Variants in TMC1 observed in about 807,000 individuals in gnomAD.
The protein encoded by TMC1 is transmembrane channel like 1, also known as transmembrane channel-like protein 1.
Under a neutral mutation model 105.8 loss-of-function variants are expected in TMC1, and 84 were observed. The observed-to-expected ratio is 0.79, with a 90% CI of 0.67 to 0.95. The LOEUF is 0.95. Ranked by LOEUF, TMC1 falls within the 40% of genes least tolerant of loss-of-function variation. The pLI is 0.00. For missense variants in TMC1, 817 were observed against 914.1 expected (o/e 0.89, Z 1.37); for synonymous variants, 315 against 311.5 (o/e 1.01, Z -0.12).
chr9:72,726,073 A>C (rs1241614820), intron 8 of TMC1, among the ~76,000 whole-genome samples: 1 of 152,108 alleles, frequency 6.6e-6, no homozygotes, highest in Admixed American at 6.5e-5. Context: ...TCAAGTTGAC[A>C]CTCAGTATTA....
intron 23 of TMC1, among the ~76,000 whole-genome samples, chr9:72,834,458 G>T (rs1829089188): frequency 6.6e-6 from 1 of 152,036 alleles, no homozygotes. Flanking sequence ...CCTCATTGGG[G>T]GACTCTGCCT....
chr9:72,599,382 G>T (rs1824769215), intron 2 of TMC1, among the ~76,000 whole-genome samples: 1 of 152,144 alleles, frequency 6.6e-6, no homozygotes, highest in Non-Finnish European at 1.5e-5. Flanking sequence ...GCATTAGGCA[G>T]ATGTGGAAGA....
chr9:72,820,730 C>G, intron 19 of TMC1, 112 bp from the exon 20 acceptor site: 1 of 1,297,328 alleles, frequency 7.7e-7, no homozygotes, highest in Admixed American at 1.7e-5. Flanking sequence ...TTGAAAGTGG[C>G]AGTGTATTTT....
intron 1 of TMC1, among the ~76,000 whole-genome samples, chr9:72,555,229 CTT>C (rs113233616): frequency 0.023 from 3,120 of 138,234 alleles, 103 homozygotes; most frequent in African/African-American, 0.081. Context: ...GAGTTTTGCT[CTT>C]GTCACCCAGG....
At chr9:72,810,136 TAAAAA>T in intron 18 of TMC1, among the ~76,000 whole-genome samples, 1 of 108,004 alleles carries the variant, frequency 9.3e-6, no homozygotes, top group African/African-American at 3.3e-5. Flanking sequence ...AGGCATAGAT[TAAAAA>T]AAAAAAAAAA....
intron 2 of TMC1, among the ~76,000 whole-genome samples, chr9:72,599,372 G>A (rs1824769086): frequency 6.6e-6 from 1 of 152,122 alleles, no homozygotes; most frequent in African/African-American, 2.4e-5. Flanking sequence ...GGATTTCCCT[G>A]CATTAGGCAG....
chr9:72,738,219 G>C (rs760304876), intron 8 of TMC1, among the ~76,000 whole-genome samples: 10 of 152,170 alleles, frequency 6.6e-5, no homozygotes, highest in Non-Finnish European at 1.3e-4. Context: ...ACCGAAGAGA[G>C]TCTTTACCAC....
intron 5 of TMC1, among the ~76,000 whole-genome samples, chr9:72,684,172 A>G (rs1215568632): frequency 1.3e-5 from 2 of 152,108 alleles, no homozygotes; most frequent in African/African-American, 4.8e-5. Flanking sequence ...TCAATTTCTC[A>G]ATTCTCATTA....
chr9:72,730,638 G>T (rs897355909), intron 8 of TMC1, among the ~76,000 whole-genome samples: 1 of 152,158 alleles, frequency 6.6e-6, no homozygotes, highest in African/African-American at 2.4e-5. Flanking sequence ...GGGGCTGGGT[G>T]AGGAGATGGT....
intron 1 of TMC1, among the ~76,000 whole-genome samples, chr9:72,563,746 A>G (rs1824097499): frequency 6.6e-6 from 1 of 151,936 alleles, no homozygotes; most frequent in Admixed American, 6.6e-5. Flanking sequence ...TAAAAATAAA[A>G]AAAATTAGCT....
chr9:72,765,415 A>G (rs1827813722), intron 12 of TMC1, among the ~76,000 whole-genome samples: 1 of 152,034 alleles, frequency 6.6e-6, no homozygotes, highest in South Asian at 2.1e-4. Flanking sequence ...TGAGAGGTCA[A>G]CAAAGGCTTT....
chr9:72,529,206 C>CA (rs1332648070), intron 1 of TMC1, among the ~76,000 whole-genome samples: 15 of 151,966 alleles, frequency 9.9e-5, no homozygotes, highest in African/African-American at 3.1e-4. Context: ...CCATGAATAC[C>CA]AAGGGATAAC....
intron 8 of TMC1, among the ~76,000 whole-genome samples, chr9:72,718,114 A>AT (rs1826954395): frequency 6.6e-6 from 1 of 151,878 alleles, no homozygotes; most frequent in African/African-American, 2.4e-5. Context: ...CTTGTATCAT[A>AT]TTTTTTTATT....
At chr9:72,700,714 ATATATAT>A in intron 8 of TMC1, 71 bp downstream of exon 8, 1 of 81,814 alleles carries the variant, frequency 1.2e-5, no homozygotes, top group Non-Finnish European at 3.0e-5. Context: ...TGAATATTCC[ATATATAT>A]ATATATATAT....
chr9:72,650,272 G>A (rs7035968), intron 5 of TMC1, among the ~76,000 whole-genome samples: 90,297 of 151,990 alleles, frequency 0.59, 29,317 homozygotes, highest in African/African-American at 0.88. Context: ...TTTTAAGGCA[G>A]TACTTGGGCT....
chr9:72,725,319 G>GTATA lies in TMC1; in HGVS notation c.363-14799_363-14798insATAT, dbSNP rs1554723220. ...ATACCCCCACACACACATTTTATGT[G>GTATA]TGTATGTATATATATATATATATAT... On this transcript the variant is annotated intron_variant, in intron 8 of 23. Coordinates refer to ENST00000297784, the MANE Select transcript of TMC1 (RefSeq NM_138691.3). Among the ~76,000 whole-genome samples the GTATA allele has an allele frequency of 1.4e-4, 7 of 51,122 alleles. No homozygotes were observed. The East Asian group carries it at 2.7e-3, about 20-fold the overall frequency. The allele number at this position is 51,122 out of a possible 152,430, so 33.5% of individuals were successfully genotyped here.
intron 8 of TMC1, among the ~76,000 whole-genome samples, chr9:72,733,278 G>T (rs185601451): frequency 9.3e-4 from 141 of 151,906 alleles, no homozygotes; most frequent in Non-Finnish European, 1.6e-3. Flanking sequence ...CTGGGTCAGG[G>T]CTCAGGATAG....
At chr9:72,818,214 G>A (rs574837687) in intron 19 of TMC1, among the ~76,000 whole-genome samples, 14 of 152,254 alleles carry the variant, frequency 9.2e-5, no homozygotes, top group South Asian at 4.2e-4. Context: ...GTACGGGGAT[G>A]TTTTATTCAA....
intron 5 of TMC1, among the ~76,000 whole-genome samples, chr9:72,683,556 A>T (rs1014550607): frequency 6.6e-6 from 1 of 150,524 alleles, no homozygotes; most frequent in Non-Finnish European, 1.5e-5. Context: ...TTATAGTTTC[A>T]CTGGTCTGTC....
Sources: gnomAD v4.1 joint callset for allele counts (sites outside exome capture counted in the v4.1 genomes callset) on GRCh38, gnomAD v4.1.1 for gene constraint, MANE v1.5 for transcripts, NCBI Gene and HGNC (gene_info 2026-07-23, HGNC 2026-07-21) for gene names.